Variants in LMNB1 observed in about 807,000 individuals in gnomAD.
LMNB1 encodes lamin B1.
Under a neutral mutation model 67.1 loss-of-function variants are expected in LMNB1, and 23 were observed. The ratio of observed to expected loss-of-function variants is 0.34; its 90% CI spans 0.25 to 0.49. The LOEUF is 0.49. Among genes scored for constraint, LMNB1 ranks in the 20% least tolerant of loss-of-function variants. The pLI is 0.99. For synonymous variants in LMNB1, 281 were observed against 282.9 expected (o/e 0.99, Z 0.07); for missense variants, 634 against 746.5 (o/e 0.85, Z 1.76).
At chr5:126,809,300 TAAG>T (rs1751529141) in intron 3 of LMNB1, among the ~76,000 whole-genome samples, 1 of 152,266 alleles carries the variant, frequency 6.6e-6, no homozygotes, top group African/African-American at 2.4e-5. Flanking sequence ...ATATTGTTAA[TAAG>T]ATCCTGTGTC....
At chr5:126,816,378 A>C (rs1454613828) in intron 5 of LMNB1, among the ~76,000 whole-genome samples, 4 of 152,066 alleles carry the variant, frequency 2.6e-5, no homozygotes, top group African/African-American at 9.7e-5. Flanking sequence ...TCTGCCCCCA[A>C]ATAGGTTTAC....
Position 126,787,551 on chromosome 5 carries a change from T to A in LMNB1, c.359+9684T>A, listed in dbSNP as rs1352518629. Among the ~76,000 whole-genome samples, 8 of 125,044 alleles carry A rather than the reference T, an allele frequency of 6.4e-5. 1 individual carries two copies. Among genetic ancestry groups the A allele is most frequent in the African/African-American group, 2.1e-4 (7 of 33,258 alleles). The allele number at this position is 125,044 out of a possible 152,430, so 82.0% of individuals were successfully genotyped here. ...ATATATATATATATATATATATTTTTTTTTTTTTTTTTTGAGATAGAGTTT... is the reference window on the plus strand; with the variant it reads ...ATATATATATATATATATATATTTTATTTTTTTTTTTTTGAGATAGAGTTT... On this transcript the variant is annotated intron_variant, in intron 1 of 10. Transcript: ENST00000261366.
chr5:126,794,422 T>C (rs1334042553), intron 1 of LMNB1, among the ~76,000 whole-genome samples: 2 of 152,240 alleles, frequency 1.3e-5, no homozygotes, highest in Non-Finnish European at 2.9e-5. Context: ...AATAAAATTA[T>C]CTAGTTTTAG....
chr5:126,793,842 C>T (rs892804899), intron 1 of LMNB1, among the ~76,000 whole-genome samples: 3 of 152,016 alleles, frequency 2.0e-5, no homozygotes, highest in African/African-American at 7.2e-5. Flanking sequence ...CGCCATTGCA[C>T]TCTGGCCTGG....
At chr5:126,825,650 C>G (rs6874037) in intron 8 of LMNB1, among the ~76,000 whole-genome samples, 30,748 of 152,058 alleles carry the variant, frequency 0.2, 3,249 homozygotes, top group East Asian at 0.27. Flanking sequence ...TTTCAATAAT[C>G]GCACCTGTTA....
intron 1 of LMNB1, among the ~76,000 whole-genome samples, chr5:126,794,622 C>T (rs1480942722): frequency 1.3e-5 from 2 of 152,216 alleles, no homozygotes; most frequent in East Asian, 3.9e-4. Flanking sequence ...GAGTGGTGTT[C>T]AGGGGCTACC....
intron 4 of LMNB1, among the ~76,000 whole-genome samples, chr5:126,810,600 A>G (rs1463245623): frequency 1.3e-5 from 2 of 152,216 alleles, no homozygotes; most frequent in Non-Finnish European, 2.9e-5. Context: ...TTTTTGTCCC[A>G]TTGATCATTC....
intron 3 of LMNB1, among the ~76,000 whole-genome samples, chr5:126,808,941 T>C (rs1158295462): frequency 6.6e-6 from 1 of 151,930 alleles, no homozygotes; most frequent in East Asian, 1.9e-4. Context: ...AGTGGTGCGA[T>C]CTTGGCTCAC....
chr5:126,788,324 C>G (rs1362427087), intron 1 of LMNB1, among the ~76,000 whole-genome samples: 1 of 152,018 alleles, frequency 6.6e-6, no homozygotes, highest in Non-Finnish European at 1.5e-5. Context: ...AAGGAGAACC[C>G]ACAATGGGGA....
Position 126,794,037 on chromosome 5 carries a change from C to T in LMNB1, c.360-10739C>T, listed in dbSNP as rs193285760. 3.2e-3 allele frequency among the ~76,000 whole-genome samples: 491 copies of T among 151,952 alleles called. 4 individuals are homozygous for T. Among genetic ancestry groups the T allele is most frequent in the African/African-American group, 0.011 (475 of 41,438 alleles). On this transcript the variant is annotated intron_variant, in intron 1 of 10. Transcript: ENST00000261366. ...GCTACCTCCATCTCCTGGGTTCAAG[C>T]GATTCTCCTGCCTCAGCCTCTTGAG...
chr5:126,781,344 GGAGGTAAACTTTCT>G (rs1341276801), intron 1 of LMNB1, among the ~76,000 whole-genome samples: 1 of 152,152 alleles, frequency 6.6e-6, no homozygotes, highest in Non-Finnish European at 1.5e-5. Flanking sequence ...AAGGATGGCA[GGAGGTAAACTTTCT>G]GAGTCCTGTA....
At chr5:126,797,863 C>T (rs1751143544) in intron 1 of LMNB1, among the ~76,000 whole-genome samples, 1 of 152,028 alleles carries the variant, frequency 6.6e-6, no homozygotes, top group South Asian at 2.1e-4. Flanking sequence ...GTCACTTGAG[C>T]CCAGGAGTTT....
In LMNB1 at chr5:126,777,455, CCTT is replaced by C. The variant is rs892353669; in HGVS notation, c.-53_-51del. ...CCCGCTTCGCCCCCTGCCGTCCCCTCCTTATCACGGTCCCGCTCGCGGCCTCGC... is the reference window on the plus strand; with the variant it reads ...CCCGCTTCGCCCCCTGCCGTCCCCTCATCACGGTCCCGCTCGCGGCCTCGC... On this transcript the variant is annotated 5_prime_UTR_variant, in exon 1 of 11. Coordinates refer to ENST00000261366, the MANE Select transcript of LMNB1 (RefSeq NM_005573.4). 2 of 1,289,164 alleles carry C rather than the reference CCTT, an allele frequency of 1.6e-6. No individual in the cohort carries two copies. The highest frequency in any genetic ancestry group is 1.6e-5 in the African/African-American group (1 of 64,302). The allele number at this position is 1,289,164 out of a possible 1,614,324, so 79.9% of individuals were successfully genotyped here.
chr5:126,814,819 C>T (rs974539206), intron 5 of LMNB1, among the ~76,000 whole-genome samples: 3 of 152,128 alleles, frequency 2.0e-5, no homozygotes, highest in African/African-American at 4.8e-5. Context: ...GGATTACAGG[C>T]GTGAGCTGCT....
chr5:126,835,513 C>A (rs540161887), intron 10 of LMNB1, among the ~76,000 whole-genome samples: 1 of 152,122 alleles, frequency 6.6e-6, no homozygotes, highest in Non-Finnish European at 1.5e-5. Context: ...CTGTAGTCTC[C>A]GATGTGGTTG....
intron 1 of LMNB1, among the ~76,000 whole-genome samples, chr5:126,783,012 C>T (rs1265687426): frequency 6.6e-6 from 1 of 151,412 alleles, no homozygotes; most frequent in Non-Finnish European, 1.5e-5. Flanking sequence ...CCAGCCTGAC[C>T]AACACTGTGA....
At chr5:126,828,331 G>T (rs1177273402) in intron 9 of LMNB1, among the ~76,000 whole-genome samples, 2 of 152,038 alleles carry the variant, frequency 1.3e-5, no homozygotes, top group Admixed American at 6.5e-5. Context: ...CTGTGAAAGT[G>T]TGTTCCAAGT....
chr5:126,787,546 A>ATATATATATATATTTTTTTTTT, intron 1 of LMNB1, among the ~76,000 whole-genome samples: 3 of 65,574 alleles, frequency 4.6e-5, no homozygotes, highest in African/African-American at 6.6e-5. Flanking sequence ...ATATATATAT[A>ATATATATATATATTTTTTTTTT]TTTTTTTTTT....
At chr5:126,809,437 A>G (rs1213313204) in intron 3 of LMNB1, among the ~76,000 whole-genome samples, 1 of 152,210 alleles carries the variant, frequency 6.6e-6, no homozygotes, top group Non-Finnish European at 1.5e-5. Context: ...CTGTAATCCC[A>G]GCAACTTGAG....
Sources: allele counts gnomAD v4.1 joint callset (sites outside exome capture counted in the v4.1 genomes callset), GRCh38; gene constraint gnomAD v4.1.1; transcripts MANE v1.5; gene names NCBI Gene and HGNC (gene_info 2026-07-23, HGNC 2026-07-21).